The following SUGCT variants were observed in gnomAD, a reference collection of about 807,000 sequenced individuals.
SUGCT encodes the protein succinyl-CoA:glutarate-CoA transferase.
Under a neutral mutation model 55.0 loss-of-function variants are expected in SUGCT, and 41 were observed. The observed-to-expected ratio is 0.74, with a 90% CI of 0.58 to 0.97. The LOEUF (loss-of-function observed/expected upper bound fraction) is 0.97, where lower values mean the gene tolerates loss of function less well. Among genes scored for constraint, SUGCT ranks in the 50% least tolerant of loss-of-function variants. SUGCT has a pLI of 0.00. For missense variants in SUGCT, 568 were observed against 547.8 expected (o/e 1.04, Z -0.37); for synonymous variants, 187 against 200.4 (o/e 0.93, Z 0.56).
chr7:40,532,844 A>C (rs1794170535), intron 12 of SUGCT, among the ~76,000 whole-genome samples: 1 of 152,192 alleles, frequency 6.6e-6, no homozygotes, highest in Admixed American at 6.5e-5. Flanking sequence ...TATGTGAATT[A>C]TGAATACAAT....
intron 12 of SUGCT, among the ~76,000 whole-genome samples, chr7:40,505,151 C>G (rs1171137249): frequency 6.6e-6 from 1 of 152,048 alleles, no homozygotes; most frequent in Admixed American, 6.5e-5. Flanking sequence ...GTTTTAATAT[C>G]TATTTTCTGA....
chr7:40,940,486 A>G, the SUGCT span, among the ~76,000 whole-genome samples: 1 of 152,090 alleles, frequency 6.6e-6, no homozygotes, highest in Admixed American at 6.6e-5. Context: ...GGTTATTTTC[A>G]TGATATTGAT....
intron 12 of SUGCT, among the ~76,000 whole-genome samples, chr7:40,574,158 T>C (rs1796597020): frequency 6.6e-6 from 1 of 152,158 alleles, no homozygotes; most frequent in African/African-American, 2.4e-5. Flanking sequence ...TTTCCCTGGA[T>C]ACTCACCTCC....
chr7:41,037,623 A>G, the SUGCT span, among the ~76,000 whole-genome samples: 1 of 152,090 alleles, frequency 6.6e-6, no homozygotes, highest in East Asian at 1.9e-4. Flanking sequence ...TTCAGTTGCA[A>G]TTCCAGAGGC....
chr7:40,506,379 C>T (rs1360436658), intron 12 of SUGCT, among the ~76,000 whole-genome samples: 1 of 151,868 alleles, frequency 6.6e-6, no homozygotes, highest in Admixed American at 6.6e-5. Flanking sequence ...TACTAGATTC[C>T]CTTGAGTGTA....
intron 7 of SUGCT, among the ~76,000 whole-genome samples, chr7:40,266,846 C>T (rs1461992027): frequency 6.6e-6 from 1 of 151,908 alleles, no homozygotes; most frequent in Non-Finnish European, 1.5e-5. Context: ...GAAACCCCAT[C>T]TCTACTAAAA....
the SUGCT span, among the ~76,000 whole-genome samples, chr7:40,961,639 A>G: frequency 6.6e-6 from 1 of 152,116 alleles, no homozygotes; most frequent in Non-Finnish European, 1.5e-5. Context: ...GACCTCAAGA[A>G]TGAAGCTGAG....
chr7:40,853,184 A>G (rs1185146691), intron 13 of SUGCT, among the ~76,000 whole-genome samples: 2 of 152,218 alleles, frequency 1.3e-5, no homozygotes, highest in African/African-American at 4.8e-5. Context: ...TGGCACCGGG[A>G]TAGATACTCC....
At chr7:40,960,450 G>A in the SUGCT span, among the ~76,000 whole-genome samples, 1 of 152,128 alleles carries the variant, frequency 6.6e-6, no homozygotes, top group Admixed American at 6.5e-5. Context: ...AGTGCCATTA[G>A]AAGTATTCTC....
At chr7:40,408,790 G>A in intron 9 of SUGCT, among the ~76,000 whole-genome samples, 1 of 152,094 alleles carries the variant, frequency 6.6e-6, no homozygotes, top group Non-Finnish European at 1.5e-5. Context: ...GAAGTCATTT[G>A]CCCAAAGATA....
chr7:40,147,927 C>G (rs1018311743), intron 1 of SUGCT, among the ~76,000 whole-genome samples: 1 of 152,224 alleles, frequency 6.6e-6, no homozygotes, highest in Non-Finnish European at 1.5e-5. Context: ...CATGCCCTTA[C>G]AGTTGGAGCA....
intron 12 of SUGCT, among the ~76,000 whole-genome samples, chr7:40,702,715 A>G (rs1785218663): frequency 6.6e-6 from 1 of 152,172 alleles, no homozygotes; most frequent in Non-Finnish European, 1.5e-5. Context: ...TGAGAGAACT[A>G]TGTAACAAGG....
chr7:40,818,724 CCACAGCA>C (rs1438830544), intron 13 of SUGCT, among the ~76,000 whole-genome samples: 1 of 151,912 alleles, frequency 6.6e-6, no homozygotes, highest in African/African-American at 2.4e-5. Flanking sequence ...AGATACAGTA[CCACAGCA>C]AATAGGAAAT....
intron 11 of SUGCT, among the ~76,000 whole-genome samples, chr7:40,483,289 C>A (rs1026713212): frequency 3.9e-5 from 6 of 152,056 alleles, no homozygotes; most frequent in Admixed American, 6.6e-5. Flanking sequence ...ATGGAATGCA[C>A]CCCTGTACCA....
chr7:40,880,865 T>C, the SUGCT span, among the ~76,000 whole-genome samples: 4 of 152,080 alleles, frequency 2.6e-5, no homozygotes, highest in African/African-American at 4.8e-5. Flanking sequence ...CTAGAAGAGA[T>C]TGGATATTGA....
At chr7:40,390,177 CATACT>C (rs1785346790) in intron 9 of SUGCT, among the ~76,000 whole-genome samples, 1 of 152,146 alleles carries the variant, frequency 6.6e-6, no homozygotes, top group South Asian at 2.1e-4. Flanking sequence ...CAGCCAATAT[CATACT>C]GAATGGGCAT....
chr7:40,577,661 A>G (rs1274846922), intron 12 of SUGCT, among the ~76,000 whole-genome samples: 2 of 152,136 alleles, frequency 1.3e-5, no homozygotes, highest in African/African-American at 2.4e-5. Context: ...GGTCAGCCAC[A>G]GTTGGAACAA....
chr7:40,914,033 G>A, the SUGCT span, among the ~76,000 whole-genome samples: 3 of 151,534 alleles, frequency 2.0e-5, no homozygotes, highest in Admixed American at 2.0e-4. Flanking sequence ...GACTAAACAT[G>A]CTGTTAAGTC....
the SUGCT span, among the ~76,000 whole-genome samples, chr7:40,867,831 A>G: frequency 6.6e-6 from 1 of 152,232 alleles, no homozygotes; most frequent in South Asian, 2.1e-4. Flanking sequence ...TTATCTGACC[A>G]AAACAGCTGT....
Sources: allele counts gnomAD v4.1 joint callset (sites outside exome capture counted in the v4.1 genomes callset), GRCh38; gene constraint gnomAD v4.1.1; transcripts MANE v1.5; gene names NCBI Gene and HGNC (gene_info 2026-07-23, HGNC 2026-07-21).